Variants in XKR4 observed in about 807,000 individuals in gnomAD.
XKR4 encodes the protein XK-related protein 4.
A neutral mutation model predicts 53.9 loss-of-function variants in XKR4; 12 were observed. That is an observed-to-expected ratio of 0.22 (90% CI 0.14 to 0.36). The LOEUF (loss-of-function observed/expected upper bound fraction) is 0.36, where lower values mean the gene tolerates loss of function less well. Ranked by LOEUF, XKR4 falls within the 10% of genes least tolerant of loss-of-function variation. XKR4 has a pLI of 1.00. For synonymous variants in XKR4, 354 were observed against 362.4 expected (o/e 0.98, Z 0.26); for missense variants, 799 against 859.5 (o/e 0.93, Z 0.88).
At chr8:55,462,720 C>G (rs1805682176) in intron 2 of XKR4, among the ~76,000 whole-genome samples, 1 of 152,158 alleles carries the variant, frequency 6.6e-6, no homozygotes, top group Non-Finnish European at 1.5e-5. Flanking sequence ...GTGCTGTATT[C>G]AGGAAACCCA....
At chr8:55,306,699 G>A (rs941896074) in intron 1 of XKR4, among the ~76,000 whole-genome samples, 16 of 152,270 alleles carry the variant, frequency 1.1e-4, no homozygotes, top group African/African-American at 2.9e-4. Context: ...CACACAGCAC[G>A]TGGGAATTCA....
At position 55,251,090 on chromosome 8, in the gene XKR4, T is replaced by A. The variant is rs182754388; in HGVS notation, c.807-106588T>A. On this transcript the variant is annotated intron_variant, in intron 1 of 2. Transcript: ENST00000327381. ...ATATATGTGTGGTATAGGTATAGTA[T>A]AGGCATAGGCGTAGACGTAAGTACA... Among the ~76,000 whole-genome samples, 5 of 152,334 alleles carry A rather than the reference T, an allele frequency of 3.3e-5. No homozygotes were observed. The East Asian group carries it at 9.6e-4, about 29-fold the overall frequency.
chr8:55,339,186 C>T (rs1803506642), intron 1 of XKR4, among the ~76,000 whole-genome samples: 1 of 152,104 alleles, frequency 6.6e-6, no homozygotes, highest in Non-Finnish European at 1.5e-5. Flanking sequence ...GATGCTGTGG[C>T]CATGGGGCTG....
chr8:55,256,957 G>A (rs1208646470), intron 1 of XKR4, among the ~76,000 whole-genome samples: 1 of 152,142 alleles, frequency 6.6e-6, no homozygotes, highest in African/African-American at 2.4e-5. Context: ...TCTGGTGAGG[G>A]CCCATTCTTC....
At chr8:55,515,019 G>A (rs1039717746) in intron 2 of XKR4, among the ~76,000 whole-genome samples, 12 of 152,174 alleles carry the variant, frequency 7.9e-5, no homozygotes, top group African/African-American at 2.9e-4. Flanking sequence ...TTCCCAACCA[G>A]AAGGAAATAA....
At chr8:55,185,090 T>G (rs1242783578) in intron 1 of XKR4, among the ~76,000 whole-genome samples, 1 of 152,226 alleles carries the variant, frequency 6.6e-6, no homozygotes. Context: ...TAAACTGATC[T>G]GAGCCATTGT....
chr8:55,284,706 C>T (rs1818884176), intron 1 of XKR4, among the ~76,000 whole-genome samples: 2 of 152,284 alleles, frequency 1.3e-5, no homozygotes, highest in Admixed American at 1.3e-4. Context: ...GACACACACC[C>T]TGAGCCTGTC....
At chr8:55,501,373 G>C (rs2622569) in intron 2 of XKR4, among the ~76,000 whole-genome samples, 55,269 of 151,924 alleles carry the variant, frequency 0.36, 11,588 homozygotes, top group African/African-American at 0.58. Flanking sequence ...TCACACTGTT[G>C]TGAGACATTC....
At chr8:55,225,717 T>C (rs1445389581) in intron 1 of XKR4, among the ~76,000 whole-genome samples, 3 of 152,238 alleles carry the variant, frequency 2.0e-5, no homozygotes, top group African/African-American at 7.2e-5. Context: ...TTGAATGCAA[T>C]GAGTGGTTGT....
At position 55,357,897 on chromosome 8, in the gene XKR4, T is replaced by C. The variant is rs779026242; in HGVS notation, c.1006+20T>C. 1.9e-6 allele frequency: 3 copies of C among 1,599,636 alleles called. No individual in the cohort carries two copies. The Admixed American group carries it at 5.1e-5, about 27-fold the overall frequency. On this transcript the variant is annotated intron_variant, in intron 2 of 2. Coordinates refer to ENST00000327381, the MANE Select transcript of XKR4 (RefSeq NM_052898.2). The stretch of plus-strand genomic sequence containing the variant: ...TCCAAGGTAAGGGCTTGCAATTTGG[T>C]TTCTGAATTTGGGGAAAGATTGACT...
chr8:55,341,865 G>A lies in XKR4; in HGVS notation c.807-15813G>A, dbSNP rs559568025. 3.6e-4 allele frequency among the ~76,000 whole-genome samples: 55 copies of A among 152,064 alleles called. 1 individual carries two copies. The highest frequency in any genetic ancestry group is 1.5e-3 in the South Asian group (7 of 4,790). On this transcript the variant is annotated intron_variant, in intron 1 of 2. Transcript: ENST00000327381. ...CCTTTTGAAGTAAAACCCTCTCGGT[G>A]GGCACTGAACCCACTCATAGTAAGG...
At chr8:55,443,111 T>C (rs1468138067) in intron 2 of XKR4, among the ~76,000 whole-genome samples, 1 of 152,174 alleles carries the variant, frequency 6.6e-6, no homozygotes, top group East Asian at 1.9e-4. Flanking sequence ...AAGTGAATAC[T>C]ACACAACTAA....
At chr8:55,375,225 T>C (rs1005232851) in intron 2 of XKR4, among the ~76,000 whole-genome samples, 6 of 152,202 alleles carry the variant, frequency 3.9e-5, no homozygotes, top group African/African-American at 1.4e-4. Context: ...CAGTGTTGTG[T>C]TAGAACAGAA....
At position 55,381,213 on chromosome 8, in the gene XKR4, CT is replaced by C. The variant is rs34071795; in HGVS notation, c.1006+23340del. On this transcript the variant is annotated intron_variant, in intron 2 of 2. Coordinates refer to ENST00000327381, the MANE Select transcript of XKR4 (RefSeq NM_052898.2). ...AAATATGATGTATTTCAGATCTTAG[CT>C]TTTATATTTTACCATTCTATTGTCG... 1.8e-3 allele frequency among the ~76,000 whole-genome samples: 275 copies of C among 152,232 alleles called. 3 individuals carry two copies. Among genetic ancestry groups the C allele is most frequent in the Admixed American group, 0.017 (254 of 15,284 alleles).
intron 1 of XKR4, among the ~76,000 whole-genome samples, chr8:55,178,466 C>T (rs1036213124): frequency 2.6e-5 from 4 of 152,178 alleles, no homozygotes; most frequent in Non-Finnish European, 5.9e-5. Flanking sequence ...CAATGCCTAT[C>T]ATATTTTAAA....
intron 1 of XKR4, among the ~76,000 whole-genome samples, chr8:55,323,329 G>C (rs1003892685): frequency 2.0e-5 from 3 of 152,172 alleles, no homozygotes; most frequent in Non-Finnish European, 4.4e-5. Context: ...ATATTCAGTA[G>C]TGCTACCCCT....
At chr8:55,385,329 T>A (rs114942518) in intron 2 of XKR4, among the ~76,000 whole-genome samples, 259 of 152,286 alleles carry the variant, frequency 1.7e-3, no homozygotes, top group African/African-American at 5.9e-3. Flanking sequence ...TACTGTTTCC[T>A]GGGGCTCACC....
At chr8:55,205,189 G>GT (rs1817628462) in intron 1 of XKR4, among the ~76,000 whole-genome samples, 1 of 152,160 alleles carries the variant, frequency 6.6e-6, no homozygotes, top group Non-Finnish European at 1.5e-5. Context: ...AAAGGAGATG[G>GT]TTATTAGGCC....
At chr8:55,478,056 G>A (rs1001969467) in intron 2 of XKR4, among the ~76,000 whole-genome samples, 8 of 151,906 alleles carry the variant, frequency 5.3e-5, no homozygotes, top group African/African-American at 1.7e-4. Flanking sequence ...TACAGAGAAC[G>A]CCACAAAGAT....
Sources: allele counts gnomAD v4.1 joint callset (sites outside exome capture counted in the v4.1 genomes callset), GRCh38; gene constraint gnomAD v4.1.1; transcripts MANE v1.5; gene names NCBI Gene and HGNC (gene_info 2026-07-23, HGNC 2026-07-21).